CAP2: variants seen among roughly 807,000 people sequenced by gnomAD.
CAP2 encodes cyclase associated actin cytoskeleton regulatory protein 2, also known as adenylyl cyclase-associated protein 2.
In CAP2, 24 loss-of-function variants were observed where a neutral mutation model predicts 57.7. The ratio of observed to expected loss-of-function variants is 0.42; its 90% confidence interval spans 0.30 to 0.58. The LOEUF (loss-of-function observed/expected upper bound fraction) is 0.58. CAP2 is among the 20% of genes least tolerant of loss of function. The probability of loss-of-function intolerance (pLI) is 0.22; values close to 1 mark genes in which losing one functional copy is unlikely to be tolerated. For missense variants in CAP2, 501 were observed against 590.3 expected, an observed-to-expected ratio of 0.85 and a Z score of 1.57; for synonymous variants, 194 against 207.2, an observed-to-expected ratio of 0.94 and a Z score of 0.55.
chr6:17,426,005 G>T (rs945330813), intron 2 of CAP2, among the ~76,000 whole-genome samples: 4 of 151,882 alleles, frequency 2.6e-5, no homozygotes, highest in African/African-American at 7.3e-5. Context: ...TGAGGCTGGA[G>T]AATCACTTGA....
At chr6:17,497,585 C>G (rs1761701796) in intron 4 of CAP2, among the ~76,000 whole-genome samples, 2 of 152,190 alleles carry the variant, frequency 1.3e-5, no homozygotes, top group Non-Finnish European at 1.5e-5. Flanking sequence ...TAGTATTGAT[C>G]CACTACTTCC....
intron 4 of CAP2, among the ~76,000 whole-genome samples, chr6:17,476,495 T>C (rs910636436): frequency 2.6e-5 from 4 of 152,250 alleles, no homozygotes; most frequent in Non-Finnish European, 5.9e-5. Context: ...TGGACAGATA[T>C]GTTCAAAATC....
intron 7 of CAP2, among the ~76,000 whole-genome samples, chr6:17,525,406 G>T (rs1024373367): frequency 6.6e-6 from 1 of 151,556 alleles, no homozygotes; most frequent in African/African-American, 2.4e-5. Context: ...AGGCTGCAGT[G>T]AGCGTAGATC....
chr6:17,448,679 T>C (rs571165154), intron 3 of CAP2, among the ~76,000 whole-genome samples: 1 of 152,356 alleles, frequency 6.6e-6, no homozygotes, highest in South Asian at 2.1e-4. Context: ...CAGACTTTTC[T>C]GCACATACTG....
chr6:17,551,333 C>G, intron 11 of CAP2, 131 bp from the exon 12 acceptor site: 1 of 686,854 alleles, frequency 1.5e-6, no homozygotes, highest in Non-Finnish European at 2.4e-6. Context: ...ACCTCCCCAG[C>G]TTTGACCCAG....
At chr6:17,427,592 C>A in intron 3 of CAP2, among the ~76,000 whole-genome samples, 1 of 145,236 alleles carries the variant, frequency 6.9e-6, no homozygotes, top group Non-Finnish European at 1.5e-5. Context: ...CTGTGGAAAA[C>A]AGTGTGTTGG....
intron 7 of CAP2, among the ~76,000 whole-genome samples, chr6:17,537,563 A>G (rs1426490071): frequency 6.6e-6 from 1 of 152,104 alleles, no homozygotes; most frequent in South Asian, 2.1e-4. Context: ...TGATTTTGAT[A>G]CTGCATAATA....
intron 7 of CAP2, among the ~76,000 whole-genome samples, chr6:17,530,029 T>C (rs544335836): frequency 1.1e-4 from 17 of 152,224 alleles, no homozygotes; most frequent in Admixed American, 1.1e-3. Context: ...TCTATAGTTG[T>C]AGCATGAAGA....
At chr6:17,506,882 G>A (rs1325268959) in intron 4 of CAP2, among the ~76,000 whole-genome samples, 3 of 152,162 alleles carry the variant, frequency 2.0e-5, no homozygotes, top group Non-Finnish European at 2.9e-5. Flanking sequence ...CCATGAAGGA[G>A]TCTTCAAAAT....
At position 17,526,082 on chromosome 6, in the gene CAP2, G is replaced by A. The variant is rs543538756; in HGVS notation, c.636+12128G>A. Among the ~76,000 whole-genome samples, 14 of 150,458 alleles carry A rather than the reference G, an allele frequency of 9.3e-5. 2 individuals carry two copies. The South Asian group carries it at 3.0e-3, about 32-fold the overall frequency. On this transcript the variant is annotated intron_variant, in intron 7 of 12. Coordinates refer to ENST00000229922, the MANE Select transcript of CAP2 (RefSeq NM_006366.3). Reference sequence around the variant, plus strand: ...CCAAAGCGTTAGTCCATTAACTATAGATCATGTCTGTTTTTCAAAAGCTGC... The same window carrying A: ...CCAAAGCGTTAGTCCATTAACTATAAATCATGTCTGTTTTTCAAAAGCTGC...
chr6:17,472,045 G>T (rs964187838), intron 4 of CAP2, among the ~76,000 whole-genome samples: 1 of 108,798 alleles, frequency 9.2e-6, no homozygotes, highest in African/African-American at 4.4e-5. Context: ...TGTTAATAGT[G>T]CTGAATGGGC....
At chr6:17,432,858 CCT>C (rs966581619) in intron 3 of CAP2, among the ~76,000 whole-genome samples, 1 of 150,282 alleles carries the variant, frequency 6.7e-6, no homozygotes, top group African/African-American at 2.5e-5. Flanking sequence ...TTGTTTTTTC[CCT>C]CTTTTTGTCT....
At chr6:17,500,145 T>A (rs1215900647) in intron 4 of CAP2, among the ~76,000 whole-genome samples, 1 of 150,400 alleles carries the variant, frequency 6.6e-6, no homozygotes, top group Non-Finnish European at 1.5e-5. Flanking sequence ...AAAATGTTCC[T>A]GGACAGTAAA....
At chr6:17,473,023 T>TC (rs1356311495) in intron 4 of CAP2, among the ~76,000 whole-genome samples, 1 of 150,878 alleles carries the variant, frequency 6.6e-6, no homozygotes, top group Non-Finnish European at 1.5e-5. Flanking sequence ...TGTTGGAACA[T>TC]CACTCATGGT....
chr6:17,427,189 C>A (rs113983886), intron 3 of CAP2, among the ~76,000 whole-genome samples: 1 of 151,912 alleles, frequency 6.6e-6, no homozygotes, highest in Non-Finnish European at 1.5e-5. Flanking sequence ...ACAGCAAGAG[C>A]GAAGGCTCAG....
Position 17,539,307 on chromosome 6 carries a change from C to T in CAP2, c.675C>T (p.Leu225=). 6.2e-7 allele frequency: 1 copy of T among 1,614,028 alleles called. No individual in the cohort carries two copies. Among genetic ancestry groups the T allele is most frequent in the Non-Finnish European group, 8.5e-7 (1 of 1,179,940 alleles). Residue 225 remains leucine (L), a synonymous_variant, in exon 8 of 13, where the codon CTC becomes CTT. Coordinates refer to ENST00000229922, the MANE Select transcript of CAP2 (RefSeq NM_006366.3). ...VASTVSAFSV[L]SSGPGLPPPP... ...CCACAGTATCAGCGTTTTCTGTCCT[C>T]TCCTCTGGGCCTGGCCTTCCTCCAC...
chr6:17,517,695 G>A (rs1021410470), intron 7 of CAP2, among the ~76,000 whole-genome samples: 7 of 152,082 alleles, frequency 4.6e-5, no homozygotes, highest in African/African-American at 7.2e-5. Context: ...GTGGTCAGGA[G>A]TTTGAGACCA....
At chr6:17,419,911 C>T (rs369430292) in intron 1 of CAP2, among the ~76,000 whole-genome samples, 2 of 151,164 alleles carry the variant, frequency 1.3e-5, no homozygotes, top group Non-Finnish European at 3.0e-5. Flanking sequence ...CTCACTCTGT[C>T]GCCAGGCTGG....
At chr6:17,435,250 T>A (rs1298359528) in intron 3 of CAP2, among the ~76,000 whole-genome samples, 2 of 78,018 alleles carry the variant, frequency 2.6e-5, no homozygotes, top group Non-Finnish European at 4.9e-5. Context: ...ATTGCGGCAC[T>A]ATTCACAATA....
Sources: gnomAD v4.1 joint callset for allele counts (sites outside exome capture counted in the v4.1 genomes callset) on GRCh38, gnomAD v4.1.1 for gene constraint, MANE v1.5 for transcripts, NCBI Gene and HGNC (gene_info 2026-07-23, HGNC 2026-07-21) for gene names.